Variants in FAR2 observed in about 807,000 individuals in gnomAD.
FAR2 encodes fatty acyl-CoA reductase 2.
Under a neutral mutation model 56.0 loss-of-function variants are expected in FAR2, and 19 were observed. The ratio of observed to expected loss-of-function variants is 0.34; its 90% confidence interval spans 0.24 to 0.50. The LOEUF is 0.50. FAR2 is among the 20% of genes least tolerant of loss of function. FAR2 has a pLI of 0.98. For missense variants in FAR2, 508 were observed against 642.2 expected (o/e 0.79, Z 2.26); for synonymous variants, 219 against 218.8 (o/e 1.00, Z -0.01).
intron 1 of FAR2, among the ~76,000 whole-genome samples, chr12:29,179,755 T>C (rs1591834474): frequency 6.6e-6 from 1 of 152,232 alleles, no homozygotes; most frequent in African/African-American, 2.4e-5. Flanking sequence ...TCCTCTACTT[T>C]AGTGATCCAG....
chr12:29,264,628 T>C (rs1260049777), intron 1 of FAR2, among the ~76,000 whole-genome samples: 1 of 112,348 alleles, frequency 8.9e-6, no homozygotes, highest in East Asian at 3.0e-4. Flanking sequence ...AATAAATAAA[T>C]AAATAAATAA....
At chr12:29,303,969 A>C (rs1025345006) in intron 4 of FAR2, among the ~76,000 whole-genome samples, 1 of 152,170 alleles carries the variant, frequency 6.6e-6, no homozygotes, top group African/African-American at 2.4e-5. Context: ...GCTCCGTAAA[A>C]GTCTTGAGGG....
chr12:29,213,236 G>A (rs1420408325), intron 1 of FAR2, among the ~76,000 whole-genome samples: 1 of 151,896 alleles, frequency 6.6e-6, no homozygotes, highest in Non-Finnish European at 1.5e-5. Context: ...AGCAGAAGAT[G>A]AGTAGGACTC....
At chr12:29,323,886 A>G (rs1949597442) in intron 10 of FAR2, among the ~76,000 whole-genome samples, 1 of 152,244 alleles carries the variant, frequency 6.6e-6, no homozygotes, top group African/African-American at 2.4e-5. Flanking sequence ...AACGGAACAA[A>G]GCTGGACAGA....
At chr12:29,222,587 A>T (rs778776898) in intron 1 of FAR2, among the ~76,000 whole-genome samples, 1 of 151,846 alleles carries the variant, frequency 6.6e-6, no homozygotes. Flanking sequence ...CTTTTTCTTC[A>T]TCTGGATTCT....
intron 1 of FAR2, among the ~76,000 whole-genome samples, chr12:29,177,445 A>G (rs938732386): frequency 2.6e-5 from 4 of 152,216 alleles, no homozygotes; most frequent in African/African-American, 7.2e-5. Context: ...AAAAGTGTGG[A>G]TAGAAGAATG....
At chr12:29,199,599 CA>C (rs774461038) in intron 1 of FAR2, among the ~76,000 whole-genome samples, 181 of 106,260 alleles carry the variant, frequency 1.7e-3, no homozygotes, top group African/African-American at 6.0e-3. Flanking sequence ...GACCCCGTCT[CA>C]AAAAAAAAAA....
chr12:29,177,491 A>G (rs1949949835), intron 1 of FAR2, among the ~76,000 whole-genome samples: 1 of 152,260 alleles, frequency 6.6e-6, no homozygotes, highest in Non-Finnish European at 1.5e-5. Context: ...CAGAAATTTC[A>G]ACTAAAAATT....
chr12:29,331,931 T>A (rs896535192), intron 10 of FAR2: 2 of 152,154 alleles, frequency 1.3e-5, no homozygotes, highest in South Asian at 2.1e-4. Flanking sequence ...ACCTTAAAAA[T>A]TTTTTAATCA....
chr12:29,312,044 G>A (rs1473199797), intron 8 of FAR2, 94 bp downstream of exon 8: 3 of 832,126 alleles, frequency 3.6e-6, no homozygotes, highest in Admixed American at 2.6e-5. Flanking sequence ...GCTTATATGG[G>A]GAGAAAGACA....
chr12:29,214,980 G>A (rs1947604746), intron 1 of FAR2, among the ~76,000 whole-genome samples: 1 of 152,156 alleles, frequency 6.6e-6, no homozygotes, highest in African/African-American at 2.4e-5. Flanking sequence ...GCTGAGACCT[G>A]AATGTAATAA....
Position 29,307,837 on chromosome 12 carries a change from T to C in FAR2, c.723+2T>C, listed in dbSNP as rs1227628984. ...GCAACTTGGCAGGAGCCTTTCCCAGTAAGCCCACTTACCTGGATTCTGTGT... is the reference window on the plus strand; with the variant it reads ...GCAACTTGGCAGGAGCCTTTCCCAGCAAGCCCACTTACCTGGATTCTGTGT... On this transcript the variant is annotated splice_donor_variant, in intron 5 of 11. Coordinates refer to ENST00000536681, the MANE Select transcript of FAR2 (RefSeq NM_001271783.2). LOFTEE classifies it high-confidence loss of function. 6.2e-7 allele frequency: 1 copy of C among 1,607,908 alleles called. No individual in the cohort carries two copies. Among genetic ancestry groups the C allele is most frequent in the African/African-American group, 1.3e-5 (1 of 74,596 alleles).
chr12:29,327,969 C>T (rs1949674697), intron 10 of FAR2, among the ~76,000 whole-genome samples: 1 of 152,088 alleles, frequency 6.6e-6, no homozygotes, highest in African/African-American at 2.4e-5. Context: ...AAACAGGCAA[C>T]CTACAGAATG....
chr12:29,260,315 C>T (rs2216853), intron 1 of FAR2, among the ~76,000 whole-genome samples: 1 of 151,902 alleles, frequency 6.6e-6, no homozygotes, highest in Non-Finnish European at 1.5e-5. Flanking sequence ...CAGCTTTGTC[C>T]TGAGGGGAGG....
At chr12:29,294,450 C>T (rs1426027309) in intron 3 of FAR2, among the ~76,000 whole-genome samples, 3 of 151,812 alleles carry the variant, frequency 2.0e-5, no homozygotes, top group Non-Finnish European at 2.9e-5. Flanking sequence ...TGGGTTCAAG[C>T]GATTCTCCTG....
chr12:29,274,948 G>A (rs897874525), intron 2 of FAR2, among the ~76,000 whole-genome samples: 10 of 143,902 alleles, frequency 6.9e-5, no homozygotes, highest in African/African-American at 2.6e-4. Flanking sequence ...TCAAATGGAC[G>A]CGCATGAAAT....
chr12:29,166,842 A>G (rs1177075019), intron 1 of FAR2, among the ~76,000 whole-genome samples: 1 of 152,056 alleles, frequency 6.6e-6, no homozygotes, highest in Non-Finnish European at 1.5e-5. Flanking sequence ...CCCTATAGCT[A>G]TGGTTCCAGT....
chr12:29,308,715 C>CATATAT (rs1416754268), intron 5 of FAR2, among the ~76,000 whole-genome samples: 16 of 129,564 alleles, frequency 1.2e-4, no homozygotes, highest in African/African-American at 4.4e-4. Context: ...CACACACACA[C>CATATAT]ACACATATAT....
intron 1 of FAR2, among the ~76,000 whole-genome samples, chr12:29,175,792 C>T (rs1949932512): frequency 6.6e-6 from 1 of 152,060 alleles, no homozygotes; most frequent in Admixed American, 6.6e-5. Context: ...TGCATTTTTA[C>T]AGAGTGTTGA....
Sources: gnomAD v4.1 joint callset for allele counts (sites outside exome capture counted in the v4.1 genomes callset) on GRCh38, gnomAD v4.1.1 for gene constraint, MANE v1.5 for transcripts, NCBI Gene and HGNC (gene_info 2026-07-23, HGNC 2026-07-21) for gene names.